CSMD1: variants seen among roughly 807,000 people sequenced by gnomAD.
CSMD1 encodes CUB and Sushi multiple domains 1.
A neutral mutation model predicts 417.5 loss-of-function variants in CSMD1; 213 were observed. The observed-to-expected ratio is 0.51, with a 90% CI of 0.46 to 0.57. The LOEUF (loss-of-function observed/expected upper bound fraction) is 0.57. CSMD1 is among the 20% of genes least tolerant of loss of function. The probability of loss-of-function intolerance (pLI) is 0.00; values close to 1 mark genes in which losing one functional copy is unlikely to be tolerated. For synonymous variants in CSMD1, 2,862 were observed against 1,736.8 expected, an observed-to-expected ratio of 1.65 and a Z score of -16.11; for missense variants, 6,923 against 4,529.7, an observed-to-expected ratio of 1.53 and a Z score of -15.17.
chr8:3,878,345 G>A (rs938870193), intron 5 of CSMD1, among the ~76,000 whole-genome samples: 4 of 151,950 alleles, frequency 2.6e-5, no homozygotes, highest in Non-Finnish European at 4.4e-5. Flanking sequence ...ATTCTTACAC[G>A]TGTATCTTCT....
At chr8:3,072,011 C>G (rs1452321203) in intron 49 of CSMD1, among the ~76,000 whole-genome samples, 1 of 152,174 alleles carries the variant, frequency 6.6e-6, no homozygotes, top group Admixed American at 6.5e-5. Flanking sequence ...TAACAGAAAA[C>G]AAGCATGGTA....
intron 1 of CSMD1, among the ~76,000 whole-genome samples, chr8:4,820,625 T>G (rs552919334): frequency 6.6e-6 from 1 of 152,286 alleles, no homozygotes; most frequent in African/African-American, 2.4e-5. Context: ...TGAAGTAATT[T>G]TGAGTTGAAA....
intron 3 of CSMD1, among the ~76,000 whole-genome samples, chr8:4,131,906 G>T (rs899653398): frequency 1.3e-5 from 2 of 151,818 alleles, no homozygotes; most frequent in African/African-American, 4.8e-5. Flanking sequence ...GGGACTACAG[G>T]TGCCCGCAAC....
chr8:4,285,526 C>G (rs1797012227), intron 3 of CSMD1, among the ~76,000 whole-genome samples: 1 of 152,154 alleles, frequency 6.6e-6, no homozygotes, highest in Non-Finnish European at 1.5e-5. Flanking sequence ...CTCTTGTTTT[C>G]GGATATCAGG....
chr8:4,565,617 C>T (rs1798559484), intron 2 of CSMD1, among the ~76,000 whole-genome samples: 2 of 151,508 alleles, frequency 1.3e-5, no homozygotes, highest in Non-Finnish European at 2.9e-5. Flanking sequence ...CACCTGTAGT[C>T]CCAGCTACTC....
intron 3 of CSMD1, among the ~76,000 whole-genome samples, chr8:4,338,818 T>G (rs1800317844): frequency 6.6e-6 from 1 of 152,156 alleles, no homozygotes; most frequent in African/African-American, 2.4e-5. Context: ...TACTCTTGTG[T>G]TGCCTTAATA....
chr8:3,436,220 A>G (rs1814554433), intron 12 of CSMD1, among the ~76,000 whole-genome samples: 1 of 152,148 alleles, frequency 6.6e-6, no homozygotes, highest in Non-Finnish European at 1.5e-5. Flanking sequence ...TACTTCATAC[A>G]CTATTGAAAA....
chr8:3,829,466 T>G (rs1585057216), intron 5 of CSMD1, among the ~76,000 whole-genome samples: 1 of 152,142 alleles, frequency 6.6e-6, no homozygotes, highest in South Asian at 2.1e-4. Context: ...TGCAGAGCCC[T>G]TGCCGCCACC....
chr8:4,779,180 G>A (rs1007399369), intron 1 of CSMD1, among the ~76,000 whole-genome samples: 7 of 152,128 alleles, frequency 4.6e-5, no homozygotes, highest in African/African-American at 1.7e-4. Context: ...ATTTTCCAGT[G>A]GTGGCAAACA....
chr8:4,403,335 T>G (rs1018955955), intron 3 of CSMD1, among the ~76,000 whole-genome samples: 2 of 152,204 alleles, frequency 1.3e-5, no homozygotes, highest in Admixed American at 1.3e-4. Context: ...CATTTCATTT[T>G]AGAACAAAAC....
chr8:3,433,634 C>A (rs1231844671), intron 12 of CSMD1, among the ~76,000 whole-genome samples: 1 of 152,168 alleles, frequency 6.6e-6, no homozygotes, highest in Non-Finnish European at 1.5e-5. Context: ...CTTGGCCCAT[C>A]AGATGGCCAT....
chr8:4,496,952 T>A (rs1048998314), intron 2 of CSMD1, among the ~76,000 whole-genome samples: 1 of 152,136 alleles, frequency 6.6e-6, no homozygotes, highest in African/African-American at 2.4e-5. Flanking sequence ...GGAAGCAAAC[T>A]AATAGCTTAC....
chr8:3,188,643 T>C (rs1336526426), intron 35 of CSMD1, among the ~76,000 whole-genome samples: 1 of 151,916 alleles, frequency 6.6e-6, no homozygotes, highest in East Asian at 1.9e-4. Context: ...TTTTGATAGT[T>C]TTTATTTTAA....
chr8:4,230,663 A>G (rs921743021), intron 3 of CSMD1, among the ~76,000 whole-genome samples: 2 of 152,174 alleles, frequency 1.3e-5, no homozygotes, highest in Non-Finnish European at 2.9e-5. Flanking sequence ...AATTTTCTCC[A>G]TAAATATTAT....
At chr8:3,574,854 C>T (rs538326838) in intron 10 of CSMD1, 91 bp downstream of exon 10, 151 of 1,414,262 alleles carry the variant, frequency 1.1e-4, no homozygotes, top group African/African-American at 8.7e-4. Flanking sequence ...AGTGTAAGCA[C>T]GGATAGCATT....
chr8:4,135,493 T>C (rs1197153798), intron 3 of CSMD1, among the ~76,000 whole-genome samples: 1 of 151,962 alleles, frequency 6.6e-6, no homozygotes, highest in Non-Finnish European at 1.5e-5. Flanking sequence ...TATCCCCACA[T>C]ATAAAACCAA....
At chr8:3,543,194 A>G (rs1798516384) in intron 10 of CSMD1, among the ~76,000 whole-genome samples, 3 of 152,202 alleles carry the variant, frequency 2.0e-5, no homozygotes, top group Non-Finnish European at 4.4e-5. Context: ...TGCTTTTGAG[A>G]AACTGGTAAG....
At position 3,693,487 on chromosome 8, in the gene CSMD1, A is replaced by C. The variant is rs1800367832; in HGVS notation, c.1009+14927T>G. 4.6e-5 allele frequency among the ~76,000 whole-genome samples: 7 copies of C among 152,270 alleles called. No individual in the cohort carries two copies. In the South Asian group the frequency reaches 1.5e-3, roughly 32 times the overall value. ...TGATACTGAAATTGCTGGTCAAATTATGGCAGCAGGCAGCCGCCTGGAGAT... is the reference window on the plus strand; with the variant it reads ...TGATACTGAAATTGCTGGTCAAATTCTGGCAGCAGGCAGCCGCCTGGAGAT... On this transcript the variant is annotated intron_variant, in intron 7 of 69. Coordinates refer to ENST00000635120, the MANE Select transcript of CSMD1 (RefSeq NM_033225.6).
chr8:3,758,056 C>T (rs189850342), intron 5 of CSMD1, among the ~76,000 whole-genome samples: 578 of 152,194 alleles, frequency 3.8e-3, no homozygotes, highest in African/African-American at 0.013. Context: ...CTCTGCCTCC[C>T]AGGTTCAAGT....
Sources: gnomAD v4.1 joint callset for allele counts (sites outside exome capture counted in the v4.1 genomes callset) on GRCh38, gnomAD v4.1.1 for gene constraint, MANE v1.5 for transcripts, NCBI Gene and HGNC (gene_info 2026-07-23, HGNC 2026-07-21) for gene names.